Variants in GALNT13 observed in about 807,000 individuals in gnomAD.
GALNT13 encodes the protein UDP-GalNAc:polypeptide N-acetylgalactosaminyltransferase 13.
Under a neutral mutation model 64.2 loss-of-function variants are expected in GALNT13, and 28 were observed. The observed-to-expected ratio is 0.44, with a 90% CI of 0.32 to 0.60. GALNT13 has a LOEUF of 0.60. GALNT13 is among the 20% of genes least tolerant of loss of function. The pLI, the probability that GALNT13 is intolerant of heterozygous loss-of-function variation, is 0.05. For missense variants in GALNT13, 577 were observed against 669.8 expected, an observed-to-expected ratio of 0.86 and a Z score of 1.53; for synonymous variants, 214 against 224.6, an observed-to-expected ratio of 0.95 and a Z score of 0.42.
chr2:153,852,460 G>A, the GALNT13 span, among the ~76,000 whole-genome samples: 31 of 152,220 alleles, frequency 2.0e-4, no homozygotes, highest in Admixed American at 8.5e-4. Context: ...TCTATAGGAC[G>A]TAATCCTAAA....
intron 11 of GALNT13, among the ~76,000 whole-genome samples, chr2:154,422,164 G>C (rs1465669748): frequency 6.6e-6 from 1 of 152,110 alleles, no homozygotes; most frequent in South Asian, 2.1e-4. Flanking sequence ...TTTGACTTGA[G>C]GGGACAAAAG....
the GALNT13 span, among the ~76,000 whole-genome samples, chr2:153,683,397 A>AT: frequency 1.3e-5 from 2 of 149,764 alleles, no homozygotes; most frequent in African/African-American, 4.9e-5. Flanking sequence ...AGCTCAACAA[A>AT]TTTTTTTATA....
chr2:154,131,491 C>T (rs34351641), intron 3 of GALNT13, among the ~76,000 whole-genome samples: 28,420 of 152,136 alleles, frequency 0.19, 3,386 homozygotes, highest in Non-Finnish European at 0.26. Context: ...CTCCTCTGCC[C>T]GCTTCTCATC....
chr2:153,547,364 C>T, the GALNT13 span, among the ~76,000 whole-genome samples: 1 of 152,166 alleles, frequency 6.6e-6, no homozygotes, highest in Non-Finnish European at 1.5e-5. Flanking sequence ...TGATGTATAA[C>T]ACAATATTAC....
At chr2:154,199,815 T>C (rs1393366562) in intron 4 of GALNT13, among the ~76,000 whole-genome samples, 1 of 152,084 alleles carries the variant, frequency 6.6e-6, no homozygotes, top group African/African-American at 2.4e-5. Context: ...AAATACAGAA[T>C]TTTTTGGCCC....
Position 154,354,481 on chromosome 2 carries a change from A to C in GALNT13, c.1157-41510A>C, listed in dbSNP as rs544329688. 2.4e-5 allele frequency among the ~76,000 whole-genome samples: 3 copies of C among 124,530 alleles called. No homozygotes were observed. In the Admixed American group the frequency reaches 3.1e-4, roughly 13 times the overall value. The allele number at this position is 124,530 out of a possible 152,430, so 81.7% of individuals were successfully genotyped here. ...TGAGCTTTTGGTGTGATATCTAAAA[A>C]ATCTTGGCCATGGCCATGTCAGTTT... is the stretch of plus-strand genomic sequence containing the variant. On this transcript the variant is annotated intron_variant, in intron 9 of 12. Coordinates refer to ENST00000392825, the MANE Select transcript of GALNT13 (RefSeq NM_052917.4).
chr2:154,196,414 G>T lies in GALNT13; in HGVS notation c.312-45616G>T, dbSNP rs933293049. ...AGAAGAGTTCATGCTTGAATTGTAA[G>T]TGTTCATAGAAGTTCTTTTATTTGT... On this transcript the variant is annotated intron_variant, in intron 4 of 12. Coordinates refer to ENST00000392825, the MANE Select transcript of GALNT13 (RefSeq NM_052917.4). 9.9e-5 allele frequency among the ~76,000 whole-genome samples: 15 copies of T among 152,092 alleles called. 1 individual carries two copies. Among genetic ancestry groups the T allele is most frequent in the Admixed American group, 9.8e-4 (15 of 15,276 alleles).
intron 3 of GALNT13, among the ~76,000 whole-genome samples, chr2:154,032,864 C>CTTTTTTTTTTTTTTTTTTTT (rs70981694): frequency 1.8e-5 from 2 of 110,110 alleles, no homozygotes; most frequent in Non-Finnish European, 3.6e-5. Context: ...CCTACATTTC[C>CTTTTTTTTTTTTTTTTTTTT]TTTTTTTTTT....
chr2:153,278,073 C>G, the GALNT13 span, among the ~76,000 whole-genome samples: 1 of 150,980 alleles, frequency 6.6e-6, no homozygotes, highest in Non-Finnish European at 1.5e-5. Context: ...ACTACAGGCG[C>G]CCGCCACCAC....
At chr2:154,438,777 A>G (rs1272376345) in intron 12 of GALNT13, 51 bp downstream of exon 12, 22 of 1,376,380 alleles carry the variant, frequency 1.6e-5, no homozygotes, top group East Asian at 2.3e-5. Context: ...GCTCAGTTAT[A>G]TATTTCAACA....
At chr2:153,424,756 CATA>C in the GALNT13 span, among the ~76,000 whole-genome samples, 5 of 151,764 alleles carry the variant, frequency 3.3e-5, no homozygotes, top group Non-Finnish European at 7.4e-5. Flanking sequence ...AGAAGTCTTT[CATA>C]AACTCCTGCA....
At chr2:154,170,798 A>T (rs888523973) in intron 4 of GALNT13, among the ~76,000 whole-genome samples, 1 of 152,214 alleles carries the variant, frequency 6.6e-6, no homozygotes, top group Non-Finnish European at 1.5e-5. Context: ...AAATGAGTAA[A>T]TATTAAAATG....
the GALNT13 span, among the ~76,000 whole-genome samples, chr2:153,118,112 C>CACACACACACAG: frequency 6.9e-6 from 1 of 145,490 alleles, no homozygotes; most frequent in Non-Finnish European, 1.5e-5. Flanking sequence ...TGTACCAACA[C>CACACACACACAG]ACACACACAC....
chr2:153,346,476 C>A, the GALNT13 span, among the ~76,000 whole-genome samples: 2 of 152,066 alleles, frequency 1.3e-5, no homozygotes, highest in African/African-American at 4.8e-5. Context: ...TAGACTGTGC[C>A]AAAAGTTCTC....
At chr2:154,140,315 T>A in intron 3 of GALNT13, 22 bp from the exon 4 acceptor site, 1 of 1,590,508 alleles carries the variant, frequency 6.3e-7, no homozygotes, top group Non-Finnish European at 8.6e-7. Context: ...TATGTATGTC[T>A]GTATCTCTGT....
At chr2:153,908,448 G>A (rs187997889) in intron 2 of GALNT13, among the ~76,000 whole-genome samples, 1 of 152,100 alleles carries the variant, frequency 6.6e-6, no homozygotes, top group Admixed American at 6.6e-5. Context: ...TGGTGTTTTT[G>A]TCGTGAAACC....
chr2:154,346,016 T>A (rs550369861), intron 9 of GALNT13, among the ~76,000 whole-genome samples: 1 of 152,136 alleles, frequency 6.6e-6, no homozygotes, highest in South Asian at 2.1e-4. Context: ...GCTCATATAT[T>A]AATATTTTTA....
At chr2:153,831,617 G>A in the GALNT13 span, among the ~76,000 whole-genome samples, 1 of 151,820 alleles carries the variant, frequency 6.6e-6, no homozygotes, top group Admixed American at 6.6e-5. Flanking sequence ...TCTGTGGGAG[G>A]CCCTCCTCGA....
At chr2:154,406,346 A>G (rs1363858012) in intron 10 of GALNT13, among the ~76,000 whole-genome samples, 1 of 151,864 alleles carries the variant, frequency 6.6e-6, no homozygotes, top group East Asian at 1.9e-4. Context: ...CCTCCCTCTA[A>G]TCTGCTCTTT....
Sources: gnomAD v4.1 joint callset for allele counts (sites outside exome capture counted in the v4.1 genomes callset) on GRCh38, gnomAD v4.1.1 for gene constraint, MANE v1.5 for transcripts, NCBI Gene and HGNC (gene_info 2026-07-23, HGNC 2026-07-21) for gene names.